The following DYDC2 variants were observed in gnomAD, a reference collection of about 807,000 sequenced individuals.
DYDC2 encodes DPY30 domain containing 2.
DYDC2 carries 19 observed loss-of-function variants against 18.7 expected under a neutral mutation model. That is an observed-to-expected ratio of 1.02 (90% confidence interval 0.71 to 1.49). The LOEUF is 1.49. Among genes scored for constraint, DYDC2 ranks in the 40% most tolerant of loss-of-function variants. The probability of loss-of-function intolerance (pLI) is 0.00; values close to 1 mark genes in which losing one functional copy is unlikely to be tolerated. For missense variants in DYDC2, 179 were observed against 205.1 expected, an observed-to-expected ratio of 0.87 and a Z score of 0.78; for synonymous variants, 63 against 67.6, an observed-to-expected ratio of 0.93 and a Z score of 0.34.
chr10:80,365,727 T>C (rs1461039622), intron 4 of DYDC2, among the ~76,000 whole-genome samples: 1 of 152,222 alleles, frequency 6.6e-6, no homozygotes, highest in Non-Finnish European at 1.5e-5. Context: ...GTTTGTTTTT[T>C]TCCTGTGTGG....
chr10:80,358,533 A>G (rs190634206), intron 2 of DYDC2, among the ~76,000 whole-genome samples: 220 of 152,314 alleles, frequency 1.4e-3, no homozygotes, highest in African/African-American at 4.5e-3. Flanking sequence ...AATTTAGAGT[A>G]GGGGGAGGTA....
At chr10:80,355,984 G>C (rs12412782), upstream of DYDC2, among the ~76,000 whole-genome samples, 1 of 117,780 alleles carries the variant, frequency 8.5e-6, no homozygotes, top group Non-Finnish European at 1.7e-5. Context: ...TTGAAGTGAA[G>C]TTAAAAAAAA....
chr10:80,353,179 G>A (rs2132842887), upstream of DYDC2, among the ~76,000 whole-genome samples: 1 of 151,720 alleles, frequency 6.6e-6, no homozygotes, highest in East Asian at 1.9e-4. Flanking sequence ...AATTTCCAAG[G>A]CCAAAGAATA....
chr10:80,362,165 T>A (rs1170611303), intron 2 of DYDC2, among the ~76,000 whole-genome samples: 1 of 152,242 alleles, frequency 6.6e-6, no homozygotes, highest in Admixed American at 6.5e-5. Flanking sequence ...TCTGAGCTTT[T>A]ATTATTTGCT....
chr10:80,356,430 TGTATCTGGCAACCTCCCGGGGC>T, upstream of DYDC2: 1 of 985,122 alleles, frequency 1.0e-6, no homozygotes. Context: ...GATACAGTAT[TGTATCTGGCAACCTCCCGGGGC>T]GCTCAGTGTG....
intron 2 of DYDC2, 29 bp downstream of exon 2, chr10:80,358,074 G>C (rs1281928363): frequency 1.0e-6 from 1 of 985,278 alleles, no homozygotes; most frequent in African/African-American, 1.7e-5. Flanking sequence ...GGTCTGAGTG[G>C]GCTTTAAAAG....
intron 2 of DYDC2, among the ~76,000 whole-genome samples, chr10:80,360,778 T>TTA (rs1564673250): frequency 6.6e-6 from 1 of 151,010 alleles, no homozygotes; most frequent in Non-Finnish European, 1.5e-5. Context: ...TTTTTTTTTT[T>TTA]AGACAGGGTC....
chr10:80,362,736 G>A lies in DYDC2; in HGVS notation c.147+146G>A, dbSNP rs142353206. On this transcript the variant is annotated intron_variant, in intron 3 of 4. Coordinates refer to ENST00000256039, the MANE Select transcript of DYDC2 (RefSeq NM_032372.6). ...TTAGAGCCAGATATCCCTGAAGCAT[G>A]GGGATCCTGGGGGCTAACTCAGAGG... is the stretch of plus-strand genomic sequence containing the variant. 1.2e-3 allele frequency: 1,706 copies of A among 1,369,094 alleles called. 18 individuals are homozygous for A. The African/African-American group carries it at 0.013, about 10-fold the overall frequency. The allele number at this position is 1,369,094 out of a possible 1,614,324, so 84.8% of individuals were successfully genotyped here.
At chr10:80,350,666 T>C (rs1461166555) in intron 1 of DYDC2, among the ~76,000 whole-genome samples, 1 of 152,242 alleles carries the variant, frequency 6.6e-6, no homozygotes, top group African/African-American at 2.4e-5. Context: ...GTCTATATTT[T>C]TCTTTCTATC....
intron 1 of DYDC2, among the ~76,000 whole-genome samples, chr10:80,350,444 A>C (rs1842918695): frequency 6.6e-6 from 1 of 152,216 alleles, no homozygotes; most frequent in South Asian, 2.1e-4. Context: ...CCTCATCCAC[A>C]GTTGTGGCTG....
At chr10:80,347,676 T>C (rs1363827027) in intron 1 of DYDC2, among the ~76,000 whole-genome samples, 3 of 152,230 alleles carry the variant, frequency 2.0e-5, no homozygotes, top group Non-Finnish European at 4.4e-5. Context: ...CATGTGGATA[T>C]CCAGTTGTCC....
chr10:80,354,123 A>T (rs1006178723), upstream of DYDC2, among the ~76,000 whole-genome samples: 26 of 145,158 alleles, frequency 1.8e-4, no homozygotes, highest in South Asian at 2.8e-3. Flanking sequence ...CTCATATATA[A>T]AAAAAAATAT....
chr10:80,357,916 G>A lies in DYDC2; in HGVS notation c.-139G>A. The A allele has an allele frequency of 3.0e-6, 3 of 985,252 alleles. No individual in the cohort carries two copies. The highest frequency in any genetic ancestry group is 3.6e-6 in the Non-Finnish European group (3 of 829,798). The allele number at this position is 985,252 out of a possible 1,614,324, so 61.0% of individuals were successfully genotyped here. The stretch of plus-strand genomic sequence containing the variant: ...AGAGCTCCCAGTGTGCCAAGCGTGG[G>A]CGGTATACAGTAAACAAAGACAACC... On this transcript the variant is annotated 5_prime_UTR_variant, in exon 2 of 5. Coordinates refer to ENST00000256039, the MANE Select transcript of DYDC2 (RefSeq NM_032372.6).
chr10:80,356,147 A>G, upstream of DYDC2: 1 of 703,438 alleles, frequency 1.4e-6, no homozygotes, highest in Non-Finnish European at 1.7e-6. Flanking sequence ...TGGGCATATC[A>G]GTGGGACCCA....
At chr10:80,351,162 A>G (rs1842951928) in intron 1 of DYDC2, among the ~76,000 whole-genome samples, 3 of 152,190 alleles carry the variant, frequency 2.0e-5, no homozygotes, top group African/African-American at 7.2e-5. Flanking sequence ...GTTCTTAGCA[A>G]GTGAACATGG....
At chr10:80,359,412 A>T (rs1322067593) in intron 2 of DYDC2, among the ~76,000 whole-genome samples, 3 of 152,164 alleles carry the variant, frequency 2.0e-5, no homozygotes, top group Non-Finnish European at 4.4e-5. Flanking sequence ...TCTCCACTAG[A>T]CTCAGGAGCC....
intron 1 of DYDC2, among the ~76,000 whole-genome samples, chr10:80,357,546 T>G (rs1315669570): frequency 6.6e-6 from 1 of 152,146 alleles, no homozygotes; most frequent in Non-Finnish European, 1.5e-5. Context: ...AGACCGTCAC[T>G]GCAAGCTGCT....
chr10:80,349,190 C>T (rs12146240), intron 1 of DYDC2, among the ~76,000 whole-genome samples: 3,288 of 152,294 alleles, frequency 0.022, 53 homozygotes, highest in South Asian at 0.037. Context: ...CGCGCCCGGC[C>T]CGCAGATAAA....
intron 1 of DYDC2, among the ~76,000 whole-genome samples, chr10:80,345,995 T>C (rs1470437821): frequency 6.6e-6 from 1 of 152,042 alleles, no homozygotes; most frequent in East Asian, 1.9e-4. Context: ...GTGCATGCCA[T>C]CATCATCATG....
Sources: allele counts gnomAD v4.1 joint callset (sites outside exome capture counted in the v4.1 genomes callset), GRCh38; gene constraint gnomAD v4.1.1; transcripts MANE v1.5; gene names NCBI Gene and HGNC (gene_info 2026-07-23, HGNC 2026-07-21).